PCDH15: variants seen among roughly 807,000 people sequenced by gnomAD.
PCDH15 encodes protocadherin related 15.
A neutral mutation model predicts 178.5 loss-of-function variants in PCDH15; 129 were observed. The observed-to-expected ratio is 0.72, with a 90% CI of 0.63 to 0.84. The LOEUF (loss-of-function observed/expected upper bound fraction) is 0.84, where lower values mean the gene tolerates loss of function less well. PCDH15 is among the 40% of genes least tolerant of loss of function. The pLI is 0.00. For synonymous variants in PCDH15, 800 were observed against 732.0 expected (o/e 1.09, Z -1.50); for missense variants, 2,230 against 2,099.9 (o/e 1.06, Z -1.21).
At chr10:54,674,652 G>T (rs888432834) in intron 1 of PCDH15, among the ~76,000 whole-genome samples, 11 of 152,026 alleles carry the variant, frequency 7.2e-5, no homozygotes, top group Admixed American at 2.6e-4. Context: ...ATAACTAATT[G>T]TGTAGTCATG....
intron 1 of PCDH15, among the ~76,000 whole-genome samples, chr10:54,726,931 T>C (rs1178796610): frequency 6.6e-6 from 1 of 151,070 alleles, no homozygotes; most frequent in Non-Finnish European, 1.5e-5. Context: ...AAACCTGAAA[T>C]TAATTTGCAT....
intron 2 of PCDH15, among the ~76,000 whole-genome samples, chr10:54,930,814 CTTGTTTGATTGAACA>C (rs1302256347): frequency 1.3e-5 from 2 of 152,050 alleles, no homozygotes; most frequent in African/African-American, 4.8e-5. Flanking sequence ...GTTAATAGTT[CTTGTTTGATTGAACA>C]AAGAGATCTA....
chr10:53,899,253 T>C (rs2082167591), intron 26 of PCDH15, among the ~76,000 whole-genome samples: 1 of 152,050 alleles, frequency 6.6e-6, no homozygotes. Flanking sequence ...ATATATTTTC[T>C]TTAAAAAAAT....
chr10:54,098,225 TG>T (rs2094738393), intron 15 of PCDH15, among the ~76,000 whole-genome samples: 1 of 148,502 alleles, frequency 6.7e-6, no homozygotes, highest in Non-Finnish European at 1.5e-5. Flanking sequence ...TGTGTGTGTG[TG>T]TGTGTGTCCT....
intron 2 of PCDH15, among the ~76,000 whole-genome samples, chr10:55,015,767 G>T (rs559687789): frequency 6.6e-6 from 1 of 152,064 alleles, no homozygotes; most frequent in African/African-American, 2.4e-5. Flanking sequence ...CAGCAGATGC[G>T]CTAGGTGCCT....
intron 1 of PCDH15, among the ~76,000 whole-genome samples, chr10:55,219,079 T>C (rs75921670): frequency 0.011 from 1,612 of 152,124 alleles, 39 homozygotes; most frequent in African/African-American, 0.037. Flanking sequence ...TACTGCTCCT[T>C]CTGGTAGAAA....
At chr10:54,491,917 T>C (rs191329576) in intron 3 of PCDH15, among the ~76,000 whole-genome samples, 1 of 152,294 alleles carries the variant, frequency 6.6e-6, no homozygotes, top group East Asian at 1.9e-4. Context: ...GAGAATCTAA[T>C]TGTACCTGTT....
intron 2 of PCDH15, among the ~76,000 whole-genome samples, chr10:55,354,288 T>C (rs1167069247): frequency 6.6e-6 from 1 of 152,146 alleles, no homozygotes; most frequent in Non-Finnish European, 1.5e-5. Flanking sequence ...TCATTTGATA[T>C]ATGTGGAGTG....
chr10:54,806,088 T>A (rs1288693664), upstream of PCDH15, among the ~76,000 whole-genome samples: 1 of 152,186 alleles, frequency 6.6e-6, no homozygotes, highest in Non-Finnish European at 1.5e-5. Context: ...ACTTTTTTAA[T>A]TTAACAGATT....
At chr10:54,307,005 TATATATATAC>T (rs199930671) in intron 8 of PCDH15, among the ~76,000 whole-genome samples, 25 of 62,564 alleles carry the variant, frequency 4.0e-4, no homozygotes, top group Non-Finnish European at 5.2e-4. Context: ...ATTAAATATA[TATATATATAC>T]ATATATATAT....
intron 14 of PCDH15, among the ~76,000 whole-genome samples, chr10:54,144,001 G>A (rs1361768927): frequency 1.3e-5 from 2 of 152,204 alleles, no homozygotes; most frequent in African/African-American, 4.8e-5. Context: ...TGCACTTTGG[G>A]TGGTTAATCA....
chr10:55,079,742 T>A (rs140794102), intron 2 of PCDH15, among the ~76,000 whole-genome samples: 1 of 152,274 alleles, frequency 6.6e-6, no homozygotes, highest in Non-Finnish European at 1.5e-5. Context: ...TTTAATGGAC[T>A]GGAGAGGTTG....
intron 2 of PCDH15, among the ~76,000 whole-genome samples, chr10:55,370,692 A>G (rs1485895307): frequency 1.3e-5 from 2 of 152,126 alleles, no homozygotes; most frequent in East Asian, 3.9e-4. Flanking sequence ...AGCAGGAATC[A>G]TCTCTTTAAA....
At chr10:55,455,659 T>A (rs1382450193) in intron 2 of PCDH15, among the ~76,000 whole-genome samples, 1 of 152,164 alleles carries the variant, frequency 6.6e-6, no homozygotes, top group Admixed American at 6.5e-5. Context: ...AACATAAGAA[T>A]AACATACTCT....
intron 3 of PCDH15, among the ~76,000 whole-genome samples, chr10:54,811,900 T>C (rs1952870128): frequency 6.6e-6 from 1 of 152,212 alleles, no homozygotes; most frequent in Non-Finnish European, 1.5e-5. Context: ...ACGGCAGTTT[T>C]AAAACTCTTC....
intron 7 of PCDH15, among the ~76,000 whole-genome samples, chr10:54,319,598 T>G (rs565723559): frequency 6.6e-6 from 1 of 152,226 alleles, no homozygotes; most frequent in East Asian, 1.9e-4. Flanking sequence ...GAGGCGGTGG[T>G]TGCACAATAC....
chr10:55,590,097 A>C (rs1292331547), intron 2 of PCDH15, among the ~76,000 whole-genome samples: 2 of 151,150 alleles, frequency 1.3e-5, no homozygotes, highest in Non-Finnish European at 3.0e-5. Flanking sequence ...GATTAAGAAA[A>C]TGTGGCACAT....
chr10:54,302,783 A>C (rs932360031), intron 8 of PCDH15, among the ~76,000 whole-genome samples: 1 of 152,068 alleles, frequency 6.6e-6, no homozygotes, highest in Non-Finnish European at 1.5e-5. Context: ...TCCTCCTTTG[A>C]CCTCAGACCT....
At position 55,124,412 on chromosome 10, in the gene PCDH15, T is replaced by G. The variant is rs545562316; in HGVS notation, c.-80+42164A>C. 1.7e-4 allele frequency among the ~76,000 whole-genome samples: 26 copies of G among 152,274 alleles called. 1 individual carries two copies. In the South Asian group the frequency reaches 3.7e-3, roughly 22 times the overall value. ...AAGATGATTTCGAATGATGTAAACA[T>G]GCACACACACACTTCTTGTATTAGA... On this transcript the variant is annotated intron_variant, in intron 2 of 5. Coordinates refer to the PCDH15 transcript ENST00000458638.
Sources: allele counts gnomAD v4.1 joint callset (sites outside exome capture counted in the v4.1 genomes callset), GRCh38; gene constraint gnomAD v4.1.1; transcripts MANE v1.5; gene names NCBI Gene and HGNC (gene_info 2026-07-23, HGNC 2026-07-21).